The following CAND1 variants were observed in gnomAD, a reference collection of about 807,000 sequenced individuals.
CAND1 encodes the protein cullin associated and neddylation dissociated 1.
A neutral mutation model predicts 108.5 loss-of-function variants in CAND1; 7 were observed. That is an observed-to-expected ratio of 0.06 (90% CI 0.04 to 0.12). The LOEUF is 0.12. Ranked by LOEUF, CAND1 falls within the 10% of genes least tolerant of loss-of-function variation. The pLI, the probability that CAND1 is intolerant of heterozygous loss-of-function variation, is 1.00. For synonymous variants in CAND1, 534 were observed against 512.0 expected (o/e 1.04, Z -0.58); for missense variants, 941 against 1,448.7 (o/e 0.65, Z 5.69).
At position 67,295,024 on chromosome 12, in the gene CAND1, T is replaced by C. The variant is rs1354694489; in HGVS notation, c.368-9T>C. ...CCTTGAAATTATTATTGGCTTCTTA[T>C]TCATGCAGGCTCTGCATTAGCTGCT... On this transcript the variant is annotated splice_polypyrimidine_tract_variant and intron_variant, in intron 3 of 14. Transcript: ENST00000545606. The C allele has an allele frequency of 2.5e-6, 4 of 1,606,674 alleles. No homozygotes were observed. Among genetic ancestry groups the C allele is most frequent in the Admixed American group, 1.7e-5 (1 of 59,040 alleles).
chr12:67,274,549 G>A (rs2044551904), intron 1 of CAND1, among the ~76,000 whole-genome samples: 1 of 152,188 alleles, frequency 6.6e-6, no homozygotes, highest in African/African-American at 2.4e-5. Flanking sequence ...CTGGCTCTGG[G>A]CCATGTGGGT....
At chr12:67,292,041 A>G (rs2044727054) in intron 2 of CAND1, among the ~76,000 whole-genome samples, 1 of 151,820 alleles carries the variant, frequency 6.6e-6, no homozygotes, top group Non-Finnish European at 1.5e-5. Context: ...TTTTTTTTGT[A>G]TTTTTAGTAG....
chr12:67,292,067 A>G (rs778579727), intron 2 of CAND1, among the ~76,000 whole-genome samples: 3 of 152,098 alleles, frequency 2.0e-5, no homozygotes, highest in Non-Finnish European at 2.9e-5. Context: ...GGGTTTCACC[A>G]TGTTGGCCAG....
chr12:67,305,893 T>G lies in CAND1; in HGVS notation c.2225T>G (p.Val742Gly), dbSNP rs1286244727. 6.2e-7 allele frequency: 1 copy of G among 1,614,178 alleles called. No individual in the cohort carries two copies. Among genetic ancestry groups the G allele is most frequent in the Non-Finnish European group, 8.5e-7 (1 of 1,179,992 alleles). The change falls in exon 10 of 15, where the codon GTG (valine) becomes GGG (glycine). Residue 742 changes from valine to glycine, a missense_variant. Around this residue, in one of 9 missense-constraint regions of CAND1, gnomAD observed 697 missense variants for 942.0 expected, o/e 0.74. Coordinates refer to ENST00000545606, the MANE Select transcript of CAND1 (RefSeq NM_018448.5). This position sits in a 1 kb window ranked among gnomAD's most constrained non-coding sequence, Gnocchi z 4.4. ...GSILNELIGLVRSPLLQGGAL... is the reference protein window; with the variant it reads ...GSILNELIGLGRSPLLQGGAL... ...ATTCTCAATGAACTTATTGGACTTGTGAGATCACCCTTATTGCAGGGGGGA... is the reference window on the plus strand; with the variant it reads ...ATTCTCAATGAACTTATTGGACTTGGGAGATCACCCTTATTGCAGGGGGGA...
intron 2 of CAND1, among the ~76,000 whole-genome samples, chr12:67,286,230 G>A (rs1425210426): frequency 6.6e-6 from 1 of 151,930 alleles, no homozygotes; most frequent in African/African-American, 2.4e-5. Flanking sequence ...CAGGATGGTC[G>A]CGATCTCCTG....
At chr12:67,297,217 A>C (rs1354136902) in intron 4 of CAND1, 190 bp from the exon 5 acceptor site, 5 of 676,342 alleles carry the variant, frequency 7.4e-6, no homozygotes, top group Non-Finnish European at 1.3e-5. Context: ...TCAGTGCTGC[A>C]TTCACTTAGC....
intron 4 of CAND1, 36 bp downstream of exon 4, chr12:67,295,192 C>T: frequency 6.5e-7 from 1 of 1,547,928 alleles, no homozygotes; most frequent in Non-Finnish European, 8.8e-7. Flanking sequence ...ACTCGTAATA[C>T]AGATAACTAC....
In CAND1 at chr12:67,312,908, A is replaced by G. The variant is rs2044967766; in HGVS notation, c.*78A>G. 1.1e-6 allele frequency: 1 copy of G among 941,508 alleles called. No homozygotes were observed. 58.3% of individuals were successfully genotyped at this position (941,508 alleles called of 1,614,324 possible). ...GACAGGTTAATCATAAGACATGGAA[A>G]GAGAAGTGTCTAAAAGCTTCAAAAT... On this transcript the variant is annotated 3_prime_UTR_variant, in exon 15 of 15. Transcript: ENST00000545606.
Position 67,298,880 on chromosome 12 carries a change from A to G in CAND1, c.855-70A>G. 3.3e-6 allele frequency: 3 copies of G among 906,514 alleles called. No homozygotes were observed. In the Admixed American group the frequency reaches 5.7e-5, roughly 17 times the overall value. 56.2% of individuals were successfully genotyped at this position (906,514 alleles called of 1,614,324 possible). On this transcript the variant is annotated intron_variant, in intron 6 of 14. Transcript: ENST00000545606. ...CCTATGTTATTGCTGGTAATAAAGC[A>G]AAATGTGGCAGGTAATGAATCAAGG...
intron 1 of CAND1, 57 bp from the exon 2 acceptor site, chr12:67,281,853 T>C: frequency 8.0e-7 from 1 of 1,256,914 alleles, no homozygotes; most frequent in Non-Finnish European, 1.1e-6. Context: ...AAAATCATTA[T>C]CTTTTTAAAT....
chr12:67,282,954 A>G (rs2044634093), intron 2 of CAND1, among the ~76,000 whole-genome samples: 4 of 152,196 alleles, frequency 2.6e-5, no homozygotes, highest in Admixed American at 2.6e-4. Flanking sequence ...TGAGTTCTCA[A>G]TAAATTCCAT....
At chr12:67,277,753 G>A (rs1207260538) in intron 1 of CAND1, among the ~76,000 whole-genome samples, 1 of 152,144 alleles carries the variant, frequency 6.6e-6, no homozygotes, top group Non-Finnish European at 1.5e-5. Context: ...ATGTTAATGA[G>A]TAGGTGAATT....
At chr12:67,269,832 C>A in intron 1 of CAND1, 47 bp downstream of exon 1, 1 of 1,541,342 alleles carries the variant, frequency 6.5e-7, no homozygotes, top group Non-Finnish European at 8.9e-7. Flanking sequence ...TTCTCGCAGC[C>A]GCGGCCCTGG....
At position 67,305,684 on chromosome 12, in the gene CAND1, T is replaced by A. The variant is rs765071655; in HGVS notation, c.2016T>A (p.Ser672=). 1 of 1,614,076 alleles carries A rather than the reference T, an allele frequency of 6.2e-7. No individual in the cohort carries two copies. The highest frequency in any genetic ancestry group is 8.5e-7 in the Non-Finnish European group (1 of 1,179,994). Residue 672 remains serine, a synonymous_variant, in exon 10 of 15, where the codon TCT becomes TCA. Transcript: ENST00000545606. The surrounding 1 kb of genome is among the most constrained non-coding windows in gnomAD (Gnocchi z 4.4). ...NQRALKLGTL[S]ALDILIKNYS... Reference sequence around the variant, plus strand: ...GAGCTTTGAAACTGGGTACTCTTTCTGCCCTTGATATTCTAATAAAAAACT... The same window carrying A: ...GAGCTTTGAAACTGGGTACTCTTTCAGCCCTTGATATTCTAATAAAAAACT...
chr12:67,269,898 C>G (rs113345107), intron 1 of CAND1, 113 bp downstream of exon 1: 2 of 842,400 alleles, frequency 2.4e-6, no homozygotes, highest in Non-Finnish European at 3.7e-6. Flanking sequence ...TTCTCTGCCC[C>G]GAAGTCTCCA....
intron 1 of CAND1, among the ~76,000 whole-genome samples, chr12:67,274,031 A>G (rs919686653): frequency 1.3e-5 from 2 of 152,194 alleles, no homozygotes; most frequent in African/African-American, 2.4e-5. Context: ...TGGGACTTAT[A>G]GGATCTCTTT....
intron 3 of CAND1, 25 bp downstream of exon 3, chr12:67,292,801 C>T (rs760559948): frequency 6.2e-7 from 1 of 1,610,494 alleles, no homozygotes; most frequent in Non-Finnish European, 8.5e-7. Context: ...ATTTTTCTTC[C>T]TATTTCTTTT....
chr12:67,294,386 T>C (rs951856118), intron 3 of CAND1, among the ~76,000 whole-genome samples: 55 of 151,602 alleles, frequency 3.6e-4, no homozygotes, highest in Non-Finnish European at 4.1e-4. Context: ...TTAAAAGTTA[T>C]GGCTGATTTT....
At chr12:67,307,989 G>T (rs2044906602) in intron 11 of CAND1, among the ~76,000 whole-genome samples, 1 of 151,998 alleles carries the variant, frequency 6.6e-6, no homozygotes, top group African/African-American at 2.4e-5. Flanking sequence ...GAAGAACTAA[G>T]AGGAGATAAC....
Sources: allele counts gnomAD v4.1 joint callset (sites outside exome capture counted in the v4.1 genomes callset), GRCh38; gene constraint gnomAD v4.1.1; regional missense constraint gnomAD v4.1.1; non-coding constraint Gnocchi (gnomAD v3.1); transcripts MANE v1.5; gene names NCBI Gene and HGNC (gene_info 2026-07-23, HGNC 2026-07-21).